Variants in NRIP2 observed in about 807,000 individuals in gnomAD.
The protein encoded by NRIP2 is nuclear receptor interacting protein 2.
A neutral mutation model predicts 34.1 loss-of-function variants in NRIP2; 27 were observed. The ratio of observed to expected loss-of-function variants is 0.79; its 90% CI spans 0.58 to 1.09. NRIP2 has a LOEUF of 1.09. Among genes scored for constraint, NRIP2 ranks in the 50% least tolerant of loss-of-function variants. The probability of loss-of-function intolerance (pLI) is 0.00; values close to 1 mark genes in which losing one functional copy is unlikely to be tolerated. For missense variants in NRIP2, 385 were observed against 352.6 expected (o/e 1.09, Z -0.74); for synonymous variants, 145 against 146.9 (o/e 0.99, Z 0.09).
chr12:2,828,783 G>C (rs1200262780), intron 2 of NRIP2, among the ~76,000 whole-genome samples: 1 of 152,086 alleles, frequency 6.6e-6, no homozygotes, highest in Non-Finnish European at 1.5e-5. Context: ...CGGAGGTTGT[G>C]GTGAGCCAAG....
chr12:2,832,561 C>CT (rs2098008992), intron 1 of NRIP2, among the ~76,000 whole-genome samples: 1 of 151,612 alleles, frequency 6.6e-6, no homozygotes, highest in African/African-American at 2.4e-5. Flanking sequence ...GATGTACCCT[C>CT]TCCAGGATAC....
chr12:2,834,919 G>C lies in NRIP2; in HGVS notation c.65C>G (p.Thr22Arg). 2 of 1,613,006 alleles carry C rather than the reference G, an allele frequency of 1.2e-6. No individual in the cohort carries two copies. The highest frequency in any genetic ancestry group is 2.2e-5 in the South Asian group (2 of 90,994). Residue 22 changes from threonine to arginine, a missense_variant, in exon 1 of 6, where the codon ACG becomes AGG. Transcript: ENST00000337508. Reference sequence around the variant, plus strand: ...GCTTCTTCCTGCCTGTCTCTGTCCCGTGCTGCAGCTCTCTTTCCAACAGGA... The same window carrying C: ...GCTTCTTCCTGCCTGTCTCTGTCCCCTGCTGCAGCTCTCTTTCCAACAGGA... The part of the protein sequence containing the change: ...RPSCWKESCS[T>R]GQRQAGRSRE...
rs780783203 is a variant in NRIP2, at chr12:2,828,057, G to GGAAGC, written c.579-15_579-11dup. The GGAAGC allele has an allele frequency of 3.7e-6, 6 of 1,609,026 alleles. No individual in the cohort carries two copies. The South Asian group carries it at 6.6e-5, about 18-fold the overall frequency. On this transcript the variant is annotated splice_polypyrimidine_tract_variant and intron_variant, in intron 3 of 5. Transcript: ENST00000337508. ...GACCCTTTTCTCTAACCTGTGGTTG[G>GGAAGC]GAAGCAAGGGTTATGGCTACCACAG...
chr12:2,831,207 G>A (rs564491177), intron 1 of NRIP2, among the ~76,000 whole-genome samples: 1 of 148,276 alleles, frequency 6.7e-6, no homozygotes, highest in East Asian at 2.0e-4. Flanking sequence ...AACTAGGAGG[G>A]TTTTTTTTTT....
At chr12:2,830,586 A>G in intron 2 of NRIP2, 122 bp downstream of exon 2, 3 of 1,077,190 alleles carry the variant, frequency 2.8e-6, no homozygotes, top group South Asian at 1.7e-5. Context: ...GGTCCAGGCT[A>G]GGGAGAGAGG....
chr12:2,834,912 C>T lies in NRIP2; in HGVS notation c.72G>A (p.Gln24=). ...CCTCTCTGCTTCTTCCTGCCTGTCT[C>T]TGTCCCGTGCTGCAGCTCTCTTTCC... The part of the protein sequence containing the change: ...SCWKESCSTG[Q]RQAGRSREDS... The change falls in exon 1 of 6, where the codon CAG becomes CAA. Residue 24 remains glutamine (Q), a synonymous_variant. Transcript: ENST00000337508. 1 of 1,613,666 alleles carries T rather than the reference C, an allele frequency of 6.2e-7. No homozygotes were observed. Among genetic ancestry groups the T allele is most frequent in the Non-Finnish European group, 8.5e-7 (1 of 1,179,854 alleles).
Position 2,827,156 on chromosome 12 carries a change from C to G in NRIP2, c.*51G>C. ...TCAAGAGCCCCCGTTCCCCACACGC[C>G]TCTTCTTCTAAGGCAAGGTCTTTCC... is the stretch of plus-strand genomic sequence containing the variant. On this transcript the variant is annotated 3_prime_UTR_variant, in exon 6 of 6. Coordinates refer to ENST00000337508, the MANE Select transcript of NRIP2 (RefSeq NM_031474.3). This position sits in a 1 kb window ranked among gnomAD's most constrained non-coding sequence, Gnocchi z 4.0. 6.2e-7 allele frequency: 1 copy of G among 1,612,846 alleles called. No homozygotes were observed.
At position 2,827,109 on chromosome 12, in the gene NRIP2, C is replaced by T. The variant is rs1181343758; in HGVS notation, c.*98G>A. ...GGGAGGTGATTGGAAGGGCAGACAC[C>T]ATAGTCCCCAGCTACCTGGCTTCAA... On this transcript the variant is annotated 3_prime_UTR_variant, in exon 6 of 6. Transcript: ENST00000337508. This position sits in a 1 kb window ranked among gnomAD's most constrained non-coding sequence, Gnocchi z 4.0. The T allele has an allele frequency of 3.2e-6, 5 of 1,576,742 alleles. No individual in the cohort carries two copies. Among genetic ancestry groups the T allele is most frequent in the Admixed American group, 1.9e-5 (1 of 52,644 alleles).
rs992117382 is a variant in NRIP2, at chr12:2,826,094, A to G, written c.*1113T>C. 1 of 151,978 alleles carries G rather than the reference A, an allele frequency of 6.6e-6. No homozygotes were observed. Among genetic ancestry groups the G allele is most frequent in the African/African-American group, 2.4e-5 (1 of 41,348 alleles). The allele number at this position is 151,978 out of a possible 1,614,324, so 9.4% of individuals were successfully genotyped here. On this transcript the variant is annotated 3_prime_UTR_variant, in exon 6 of 6. Coordinates refer to ENST00000337508, the MANE Select transcript of NRIP2 (RefSeq NM_031474.3). Reference sequence around the variant, plus strand: ...CTTTACTCCTAATCCATGATTTGAGAGACTCAAACCAGCCAGAAAGACTCT... The same window carrying G: ...CTTTACTCCTAATCCATGATTTGAGGGACTCAAACCAGCCAGAAAGACTCT...
intron 1 of NRIP2, among the ~76,000 whole-genome samples, chr12:2,831,747 CTCT>C (rs1025208102): frequency 2.0e-5 from 3 of 152,004 alleles, no homozygotes; most frequent in African/African-American, 7.3e-5. Context: ...TTCCTTCTCT[CTCT>C]TCTTTCTTTT....
intron 2 of NRIP2, among the ~76,000 whole-genome samples, chr12:2,829,266 CAAAG>C (rs1208067497): frequency 2.6e-5 from 4 of 150,944 alleles, no homozygotes; most frequent in African/African-American, 9.9e-5. Flanking sequence ...CTATTGGAAA[CAAAG>C]GAAGACAACT....
rs1402879378 is a variant in NRIP2, at chr12:2,830,850, C to G, written c.353G>C (p.Ser118Thr). ...LGTSKDLQPR[S>T]VIQRRLVEGN... ...CTCCACCAGGCGTCTTTGGATCACA[C>G]TGCGCGGCTGCTGGCTCCATCACAA... Residue 118 changes from serine (S) to threonine (T), a missense_variant, in exon 2 of 6, where the codon AGT becomes ACT. Physicochemically the swap from Ser to Thr is moderately conservative, Grantham distance 58. Coordinates refer to ENST00000337508, the MANE Select transcript of NRIP2 (RefSeq NM_031474.3). The G allele has an allele frequency of 1.2e-6, 2 of 1,612,830 alleles. No homozygotes were observed. Among genetic ancestry groups the G allele is most frequent in the Admixed American group, 1.7e-5 (1 of 59,786 alleles).
chr12:2,833,751 A>G (rs1308903884), intron 1 of NRIP2, among the ~76,000 whole-genome samples: 1 of 152,172 alleles, frequency 6.6e-6, no homozygotes. Flanking sequence ...TAGCATTTAG[A>G]TAGTGCCTGC....
intron 1 of NRIP2, among the ~76,000 whole-genome samples, chr12:2,833,635 C>T (rs764521120): frequency 1.3e-5 from 2 of 152,196 alleles, no homozygotes; most frequent in Admixed American, 6.5e-5. Flanking sequence ...GACAGGGAAC[C>T]GAGTGCTCCC....
rs77620161 is a variant in NRIP2 at position 2,827,984 on chromosome 12, C to T, written c.642G>A (p.Val214=). The part of the protein sequence containing the change: ...GDLAPGPPTQ[V]EQLELQLGQE... ...GCCCCAGCTGTAGCTCCAACTGCTC[C>T]ACCTGGGTTGGGGGCCCAGGGGCCA... The change falls in exon 4 of 6, where the codon GTG becomes GTA. Residue 214 remains valine, a synonymous_variant. Transcript: ENST00000337508. This position sits in a 1 kb window ranked among gnomAD's most constrained non-coding sequence, Gnocchi z 4.0. The T allele has an allele frequency of 6.8e-3, 11,048 of 1,614,192 alleles. 494 individuals are homozygous for T. In the East Asian group the frequency reaches 0.11, roughly 15 times the overall value.
chr12:2,825,412 G>C lies in NRIP2; in HGVS notation c.*1795C>G, dbSNP rs1364591408. The C allele has an allele frequency of 6.6e-6, 1 of 152,454 alleles. No homozygotes were observed. The highest frequency in any genetic ancestry group is 1.5e-5 in the Non-Finnish European group (1 of 68,206). The allele number at this position is 152,454 out of a possible 1,614,324, so 9.4% of individuals were successfully genotyped here. ...GCCGAGGGCTTGCCATTGGGCCTGG[G>C]GTCTGCAGTTACAGAAGCAGCAGGA... On this transcript the variant is annotated 3_prime_UTR_variant, in exon 6 of 6. Transcript: ENST00000337508.
At chr12:2,828,093 G>T (rs2097978505) in intron 3 of NRIP2, 46 bp from the exon 4 acceptor site, 1 of 1,534,090 alleles carries the variant, frequency 6.5e-7, no homozygotes, top group East Asian at 2.3e-5. Context: ...CCCCTAGAGG[G>T]TTCCACCCCA....
chr12:2,831,043 C>T (rs1019398384), intron 1 of NRIP2, 183 bp from the exon 2 acceptor site: 2 of 530,150 alleles, frequency 3.8e-6, no homozygotes, highest in Non-Finnish European at 6.3e-6. Context: ...TCAAATCATG[C>T]CGTTTTCCTT....
rs1373869234 is a variant in NRIP2, at chr12:2,830,712, C to T, written c.491G>A (p.Cys164Tyr). Reference sequence around the variant, plus strand: ...TGTCCCTGGGAGGCCTCTCACCTTGCAGTTGACCAGAAGAGCTGGAATCTC... The same window carrying T: ...TGTCCCTGGGAGGCCTCTCACCTTGTAGTTGACCAGAAGAGCTGGAATCTC... The part of the protein sequence containing the change: ...RTEIPALLVN[C>Y]KCQDQLLRVA... The change falls in exon 2 of 6, where the codon TGC becomes TAC. Residue 164 changes from cysteine to tyrosine, a missense_variant. Coordinates refer to ENST00000337508, the MANE Select transcript of NRIP2 (RefSeq NM_031474.3). 5 of 1,610,194 alleles carry T rather than the reference C, an allele frequency of 3.1e-6. No homozygotes were observed. The highest frequency in any genetic ancestry group is 2.2e-5 in the East Asian group (1 of 44,760).
Sources: gnomAD v4.1 joint callset for allele counts (sites outside exome capture counted in the v4.1 genomes callset) on GRCh38, gnomAD v4.1.1 for gene constraint, Gnocchi (gnomAD v3.1) non-coding constraint, MANE v1.5 for transcripts, NCBI Gene and HGNC (gene_info 2026-07-23, HGNC 2026-07-21) for gene names.